ACSBG1: variants seen among roughly 807,000 people sequenced by gnomAD.
ACSBG1 encodes acyl-CoA synthetase bubblegum family member 1.
A neutral mutation model predicts 80.2 loss-of-function variants in ACSBG1; 39 were observed. The ratio of observed to expected loss-of-function variants is 0.49; its 90% CI spans 0.38 to 0.64. ACSBG1 has a LOEUF of 0.64. ACSBG1 is among the 30% of genes least tolerant of loss of function. ACSBG1 has a pLI of 0.00. For missense variants in ACSBG1, 828 were observed against 966.4 expected (o/e 0.86, Z 1.90); for synonymous variants, 392 against 379.5 (o/e 1.03, Z -0.38).
In ACSBG1 at chr15:78,194,514, A is replaced by G; in HGVS notation, c.445T>C (p.Phe149Leu). 1.2e-6 allele frequency: 2 copies of G among 1,614,130 alleles called. No homozygotes were observed. The highest frequency in any genetic ancestry group is 1.7e-6 in the Non-Finnish European group (2 of 1,180,002). Reference sequence around the variant, plus strand: ...ATGAGGGGCCCCCTTACCTTCAGGAAGCCCTTGGCGGCTCTGCGGGCGAGC... The same window carrying G: ...ATGAGGGGCCCCCTTACCTTCAGGAGGCCCTTGGCGGCTCTGCGGGCGAGC... ...YLLARRAAKG[F>L]LKLGLKQAHS... The change falls in exon 3 of 14, where the codon TTC becomes CTC. Residue 149 changes from phenylalanine (F) to leucine (L), a missense_variant. Phe to Leu is a conservative substitution (Grantham distance 22). Around this residue, in one of 3 missense-constraint regions of ACSBG1, gnomAD observed 356 missense variants for 363.5 expected, o/e 0.98. Coordinates refer to ENST00000258873, the MANE Select transcript of ACSBG1 (RefSeq NM_015162.5).
chr15:78,200,553 A>G lies in ACSBG1; in HGVS notation c.233-5827T>C, dbSNP rs1193465917. 3.9e-5 allele frequency among the ~76,000 whole-genome samples: 6 copies of G among 152,004 alleles called. 1 individual carries two copies. The South Asian group carries it at 6.2e-4, about 16-fold the overall frequency. ...TGCCCATCACCACTGTCACCTCCCA[A>G]CTAAAGAGTTGAGTGGCAGAGCTGG... On this transcript the variant is annotated intron_variant, in intron 2 of 13. Transcript: ENST00000258873.
chr15:78,202,806 G>A (rs1232413393), intron 2 of ACSBG1, among the ~76,000 whole-genome samples: 1 of 152,132 alleles, frequency 6.6e-6, no homozygotes, highest in Non-Finnish European at 1.5e-5. Context: ...CTTTCTGGAA[G>A]TTACTCAAGG....
chr15:78,178,916 G>A lies in ACSBG1; in HGVS notation c.1485-85C>T. The A allele has an allele frequency of 2.2e-6, 3 of 1,350,664 alleles. No homozygotes were observed. Among genetic ancestry groups the A allele is most frequent in the Non-Finnish European group, 3.0e-6 (3 of 1,002,616 alleles). The allele number at this position is 1,350,664 out of a possible 1,614,324, so 83.7% of individuals were successfully genotyped here. On this transcript the variant is annotated intron_variant, in intron 10 of 13. Coordinates refer to ENST00000258873, the MANE Select transcript of ACSBG1 (RefSeq NM_015162.5). The surrounding 1 kb of genome is among the most constrained non-coding windows in gnomAD (Gnocchi z 4.3). ...GGGGAGCCGGGGTCCCAACTGCTCGGTCTTCACTGATTGCTAGAAGGTATC... is the reference window on the plus strand; with the variant it reads ...GGGGAGCCGGGGTCCCAACTGCTCGATCTTCACTGATTGCTAGAAGGTATC...
intron 6 of ACSBG1, 23 bp downstream of exon 6, chr15:78,182,682 G>A (rs748579617): frequency 5.6e-6 from 9 of 1,613,880 alleles, no homozygotes; most frequent in Admixed American, 1.7e-5. Context: ...CCCACCTGGC[G>A]CCCAGGGCCC....
At chr15:78,183,538 C>T (rs145977938) in intron 5 of ACSBG1, among the ~76,000 whole-genome samples, 6 of 152,226 alleles carry the variant, frequency 3.9e-5, no homozygotes, top group Admixed American at 6.5e-5. Flanking sequence ...GATTGCTCCT[C>T]GGCACTCCAG....
At chr15:78,206,190 T>C (rs1044178583) in intron 2 of ACSBG1, among the ~76,000 whole-genome samples, 2 of 152,158 alleles carry the variant, frequency 1.3e-5, no homozygotes, top group African/African-American at 2.4e-5. Context: ...GGTGCCTCCT[T>C]AGCCCCTCCC....
In ACSBG1 at chr15:78,182,505, G is replaced by A; in HGVS notation, c.855C>T (p.Thr285=). 6.2e-7 allele frequency: 1 copy of A among 1,614,172 alleles called. No homozygotes were observed. The highest frequency in any genetic ancestry group is 1.1e-5 in the South Asian group (1 of 91,086). ...GCATCACGCCCTTGGGGTTCCCAGT[G>A]GTGCCGGAAGTGTAGACTAGCACAC... ...QCCVLVYTSG[T]TGNPKGVMLS... The change falls in exon 7 of 14, where the codon ACC becomes ACT. Residue 285 remains threonine, a synonymous_variant. Transcript: ENST00000258873.
chr15:78,228,143 A>G (rs917267314), intron 1 of ACSBG1, among the ~76,000 whole-genome samples: 4 of 152,022 alleles, frequency 2.6e-5, no homozygotes, highest in Non-Finnish European at 5.9e-5. Context: ...CACAACCTTT[A>G]CAGTTTCCAA....
At chr15:78,186,190 T>C (rs1252509004) in intron 5 of ACSBG1, among the ~76,000 whole-genome samples, 1 of 152,116 alleles carries the variant, frequency 6.6e-6, no homozygotes, top group Non-Finnish European at 1.5e-5. Flanking sequence ...AAGTCTGTTT[T>C]ATCAGAGACT....
chr15:78,186,713 A>G (rs1265637183), intron 5 of ACSBG1, among the ~76,000 whole-genome samples: 1 of 152,204 alleles, frequency 6.6e-6, no homozygotes, highest in Non-Finnish European at 1.5e-5. Flanking sequence ...TGCCCACAAG[A>G]GAAAGCAGGA....
chr15:78,182,765 A>G lies in ACSBG1; in HGVS notation c.684T>C (p.His228=). 3 of 1,614,200 alleles carry G rather than the reference A, an allele frequency of 1.9e-6. No homozygotes were observed. The highest frequency in any genetic ancestry group is 2.5e-6 in the Non-Finnish European group (3 of 1,180,046). Residue 228 remains histidine (H), a synonymous_variant, in exon 6 of 14, where the codon CAT becomes CAC. Coordinates refer to ENST00000258873, the MANE Select transcript of ACSBG1 (RefSeq NM_015162.5). ...KILKIWKQLP[H]LKAVVIYKEP... is the part of the protein sequence containing the mutation. ...CTTTATATATCACGACTGCCTTTAG[A>G]TGTGGCAACTGTTTCCAGATCTGCA...
Position 78,208,483 on chromosome 15 carries a change from C to T in ACSBG1, c.132-381G>A, listed in dbSNP as rs536778331. Among the ~76,000 whole-genome samples, 3 of 152,340 alleles carry T rather than the reference C, an allele frequency of 2.0e-5. No individual in the cohort carries two copies. The East Asian group carries it at 5.8e-4, about 29-fold the overall frequency. ...CACTGGAGGATTCTGAATGCCACTC[C>T]TGGAGAGGGCAGACTTTTGGGGCGG... On this transcript the variant is annotated intron_variant, in intron 1 of 13. Transcript: ENST00000258873.
chr15:78,171,715 CTG>C, intron 13 of ACSBG1, 186 bp from the exon 14 acceptor site: 1 of 542,978 alleles, frequency 1.8e-6, no homozygotes, highest in Admixed American at 3.1e-5. Flanking sequence ...GTGTAGTCTC[CTG>C]TGTTATACCA....
intron 5 of ACSBG1, among the ~76,000 whole-genome samples, chr15:78,189,799 G>A (rs2075041251): frequency 6.6e-6 from 1 of 151,584 alleles, no homozygotes; most frequent in Non-Finnish European, 1.5e-5. Flanking sequence ...TTGTGCACAT[G>A]TACCCTAAAA....
intron 11 of ACSBG1, among the ~76,000 whole-genome samples, chr15:78,176,955 A>G (rs1397044756): frequency 6.6e-6 from 1 of 152,100 alleles, no homozygotes; most frequent in Non-Finnish European, 1.5e-5. Flanking sequence ...TAAATAGGTA[A>G]ATAAATAAAT....
At chr15:78,179,816 C>CAT in intron 9 of ACSBG1, 36 bp from the exon 10 acceptor site, 2 of 204,784 alleles carry the variant, frequency 9.8e-6, no homozygotes, top group Admixed American at 6.5e-5. Flanking sequence ...CAGAAGAAAT[C>CAT]ACACACACAC....
At chr15:78,218,745 A>C (rs772671352) in intron 1 of ACSBG1, among the ~76,000 whole-genome samples, 1 of 148,732 alleles carries the variant, frequency 6.7e-6, no homozygotes, top group African/African-American at 2.5e-5. Context: ...TTGAGTTTCA[A>C]ATCGAGGCAA....
At chr15:78,181,026 A>C in intron 8 of ACSBG1, 90 bp from the exon 9 acceptor site, 1 of 1,481,776 alleles carries the variant, frequency 6.7e-7, no homozygotes, top group Non-Finnish European at 9.1e-7. Context: ...CCGGTGGCAC[A>C]CACATGCTCC....
intron 1 of ACSBG1, among the ~76,000 whole-genome samples, chr15:78,215,434 A>T (rs2075299456): frequency 6.6e-6 from 1 of 152,164 alleles, no homozygotes; most frequent in Admixed American, 6.5e-5. Context: ...AGGCGGGTGG[A>T]TCACCTGAGG....
Sources: gnomAD v4.1 joint callset for allele counts (sites outside exome capture counted in the v4.1 genomes callset) on GRCh38, gnomAD v4.1.1 for gene constraint, gnomAD v4.1.1 regional missense constraint, Gnocchi (gnomAD v3.1) non-coding constraint, MANE v1.5 for transcripts, NCBI Gene and HGNC (gene_info 2026-07-23, HGNC 2026-07-21) for gene names.